The following PKDREJ variants were observed in gnomAD, a reference collection of about 807,000 sequenced individuals.
PKDREJ encodes PKD and REJ homolog.
For missense variants in PKDREJ, 2,507 were observed against 2,807.2 expected, an observed-to-expected ratio of 0.89 and a Z score of 2.42; for synonymous variants, 1,031 against 1,095.5, an observed-to-expected ratio of 0.94 and a Z score of 1.16.
Position 46,258,776 on chromosome 22 carries a change from G to A in PKDREJ, c.4547C>T (p.Thr1516Ile). 1 of 1,614,130 alleles carries A rather than the reference G, an allele frequency of 6.2e-7. No individual in the cohort carries two copies. The change falls in exon 1 of 1, where the codon ACC (threonine) becomes ATC (isoleucine). Residue 1516 changes from threonine to isoleucine, a missense_variant. Physicochemically the swap from Thr to Ile is moderately conservative, Grantham distance 89. Transcript: ENST00000253255. The surrounding 1 kb of genome is among the most constrained non-coding windows in gnomAD (Gnocchi z 6.1). ...PRLPKASPKA[T>I]SKPKHRHRKA... ...CCTATGCCTGTGCTTGGGTTTGGAG[G>A]TTGCCTTAGGAGAAGCCTTTGGAAG...
At position 46,259,011 on chromosome 22, in the gene PKDREJ, T is replaced by C; in HGVS notation, c.4312A>G (p.Ile1438Val). 2 of 1,614,014 alleles carry C rather than the reference T, an allele frequency of 1.2e-6. No homozygotes were observed. The highest frequency in any genetic ancestry group is 1.7e-6 in the Non-Finnish European group (2 of 1,179,908). ...MIGIESVLIT[I>V]PVQLLITFLF... ...AAAGTTATTAATAATTGCACAGGGATTGTAATTAAGACACTTTCAATTCCT... is the reference window on the plus strand; with the variant it reads ...AAAGTTATTAATAATTGCACAGGGACTGTAATTAAGACACTTTCAATTCCT... The change falls in exon 1 of 1, where the codon ATC (isoleucine) becomes GTC (valine). Residue 1438 changes from isoleucine (I) to valine (V), a missense_variant. Coordinates refer to ENST00000253255, the MANE Select transcript of PKDREJ (RefSeq NM_006071.2). This position sits in a 1 kb window ranked among gnomAD's most constrained non-coding sequence, Gnocchi z 6.8.
chr22:46,260,643 C>G lies in PKDREJ; in HGVS notation c.2680G>C (p.Val894Leu), dbSNP rs1230241657. 1 of 1,614,108 alleles carries G rather than the reference C, an allele frequency of 6.2e-7. No individual in the cohort carries two copies. The highest frequency in any genetic ancestry group is 8.5e-7 in the Non-Finnish European group (1 of 1,179,942). ...CFYPTLNVSS[V>L]PGLSANGPIS... ...GGACCATTTGCAGACAGACCAGGAA[C>G]ACTGCTCACATTGAGTGTTGGATAA... Residue 894 changes from valine (V) to leucine (L), a missense_variant, in exon 1 of 1, where the codon GTT becomes CTT. Coordinates refer to ENST00000253255, the MANE Select transcript of PKDREJ (RefSeq NM_006071.2). This position sits in a 1 kb window ranked among gnomAD's most constrained non-coding sequence, Gnocchi z 4.5.
In PKDREJ at chr22:46,263,070, C is replaced by T; in HGVS notation, c.253G>A (p.Gly85Arg). The change falls in exon 1 of 1, where the codon GGG (glycine) becomes AGG (arginine). Residue 85 changes from glycine to arginine, a missense_variant. Gly to Arg is a moderately radical substitution (Grantham distance 125). Transcript: ENST00000253255. This position sits in a 1 kb window ranked among gnomAD's most constrained non-coding sequence, Gnocchi z 9.4. The part of the protein sequence containing the change: ...GSLCFPHGGT[G>R]RRWYCLDLRV... ...AAGTCGAGGCAGTACCAGCGCCGCC[C>T]GGTCCCGCCATGGGGGAAGCAGAGG... 2 of 1,333,888 alleles carry T rather than the reference C, an allele frequency of 1.5e-6. No homozygotes were observed. Among genetic ancestry groups the T allele is most frequent in the Non-Finnish European group, 9.7e-7 (1 of 1,031,356 alleles). The allele number at this position is 1,333,888 out of a possible 1,614,324, so 82.6% of individuals were successfully genotyped here. A position where few individuals can be genotyped will look rare whatever the true frequency, so the allele number is the denominator to read the frequency against.
At position 46,256,557 on chromosome 22, in the gene PKDREJ, T is replaced by C. The variant is rs765593085; in HGVS notation, c.*4A>G. The C allele has an allele frequency of 6.2e-7, 1 of 1,607,664 alleles. No individual in the cohort carries two copies. The highest frequency in any genetic ancestry group is 1.1e-5 in the South Asian group (1 of 90,436). On this transcript the variant is annotated 3_prime_UTR_variant, in exon 1 of 1. Transcript: ENST00000253255. This position sits in a 1 kb window ranked among gnomAD's most constrained non-coding sequence, Gnocchi z 5.3. ...TTGCTTGTGACTCATGAAACCATCA[T>C]TCATCAAACAACAAGGTAAACCATT... is the stretch of plus-strand genomic sequence containing the variant.
rs1196502157 is a variant in PKDREJ, at chr22:46,256,834, C to G, written c.6489G>C (p.Leu2163Phe). ...SSFMLVMICV[L>F]INLFQAVILS... Reference sequence around the variant, plus strand: ...GAATTACAGCCTGAAATAAGTTGATCAAGACGCAGATCATCACCAGCATGA... The same window carrying G: ...GAATTACAGCCTGAAATAAGTTGATGAAGACGCAGATCATCACCAGCATGA... Residue 2163 changes from leucine to phenylalanine, a missense_variant, in exon 1 of 1, where the codon TTG becomes TTC. Physicochemically the swap from Leu to Phe is conservative, Grantham distance 22. Transcript: ENST00000253255. The surrounding 1 kb of genome is among the most constrained non-coding windows in gnomAD (Gnocchi z 5.3). 3 of 1,613,892 alleles carry G rather than the reference C, an allele frequency of 1.9e-6. No homozygotes were observed. The highest frequency in any genetic ancestry group is 2.5e-6 in the Non-Finnish European group (3 of 1,180,046).
chr22:46,256,296 A>T lies in PKDREJ; in HGVS notation c.*265T>A. The T allele has an allele frequency of 2.1e-6, 1 of 479,082 alleles. No individual in the cohort carries two copies. The highest frequency in any genetic ancestry group is 3.6e-6 in the Non-Finnish European group (1 of 276,206). The allele number at this position is 479,082 out of a possible 1,614,324, so 29.7% of individuals were successfully genotyped here. ...CAGGGTTGCCCTTGTACGGGGAGTC[A>T]CATAACTCCCCTCTAAAGGGAAATC... On this transcript the variant is annotated 3_prime_UTR_variant, in exon 1 of 1. Coordinates refer to ENST00000253255, the MANE Select transcript of PKDREJ (RefSeq NM_006071.2). This position sits in a 1 kb window ranked among gnomAD's most constrained non-coding sequence, Gnocchi z 5.3.
chr22:46,258,261 G>A lies in PKDREJ; in HGVS notation c.5062C>T (p.Pro1688Ser), dbSNP rs752838582. 10 of 1,614,036 alleles carry A rather than the reference G, an allele frequency of 6.2e-6. No individual in the cohort carries two copies. In the Admixed American group the frequency reaches 1.3e-4, roughly 22 times the overall value. Residue 1688 changes from proline to serine, a missense_variant, in exon 1 of 1, where the codon CCC becomes TCC. By Grantham distance (74) the Pro-to-Ser change is moderately conservative (BLOSUM62 -1). Transcript: ENST00000253255. The surrounding 1 kb of genome is among the most constrained non-coding windows in gnomAD (Gnocchi z 6.1). The part of the protein sequence containing the change: ...VRIRGTRMYQ[P>S]LTEDEIRIFK... ...ATTCTGATTTCATCTTCTGTAAGGG[G>A]TTGGTACATCCTCGTGCCTCGGATT... is the stretch of plus-strand genomic sequence containing the variant.
In PKDREJ at chr22:46,259,361, C is replaced by T; in HGVS notation, c.3962G>A (p.Ser1321Asn). 2 of 1,614,200 alleles carry T rather than the reference C, an allele frequency of 1.2e-6. No homozygotes were observed. The highest frequency in any genetic ancestry group is 1.7e-6 in the Non-Finnish European group (2 of 1,180,030). ...GCATATGAACAGCCAAATGTGCCTGCTAAACAGATTTTCCACTTTGATTCT... is the reference window on the plus strand; with the variant it reads ...GCATATGAACAGCCAAATGTGCCTGTTAAACAGATTTTCCACTTTGATTCT... ...LSRIKVENLF[S>N]RHIWLFICQK... Residue 1321 changes from serine to asparagine, a missense_variant, in exon 1 of 1, where the codon AGC becomes AAC. By Grantham distance (46) the Ser-to-Asn change is conservative (BLOSUM62 1). Transcript: ENST00000253255. The surrounding 1 kb of genome is among the most constrained non-coding windows in gnomAD (Gnocchi z 6.8).
rs1323561301 is a variant in PKDREJ at position 46,261,739 on chromosome 22, C to T, written c.1584G>A (p.Arg528=). 5 of 1,613,952 alleles carry T rather than the reference C, an allele frequency of 3.1e-6. No homozygotes were observed. In the South Asian group the frequency reaches 3.3e-5, roughly 11 times the overall value. The change falls in exon 1 of 1, where the codon CGG becomes CGA. Residue 528 remains arginine, a synonymous_variant. Transcript: ENST00000253255. The surrounding 1 kb of genome is among the most constrained non-coding windows in gnomAD (Gnocchi z 7.1). ...AYLSIKAFAF[R]HFLEAEFSIS... is the part of the protein sequence containing the mutation. ...TCGAAAACTCAGCTTCCAAAAAATG[C>T]CGAAAAGCAAAAGCTTTTATAGACA...
Position 46,260,555 on chromosome 22 carries a change from T to C in PKDREJ, c.2768A>G (p.Asn923Ser). Residue 923 changes from asparagine to serine, a missense_variant, in exon 1 of 1, where the codon AAC (asparagine) becomes AGC (serine). By Grantham distance (46) the Asn-to-Ser change is conservative. Coordinates refer to ENST00000253255, the MANE Select transcript of PKDREJ (RefSeq NM_006071.2). The surrounding 1 kb of genome is among the most constrained non-coding windows in gnomAD (Gnocchi z 4.5). ...DLFPWLNDQE[N>S]TSVEVSGFRM... ...GAATCCAGACACCTCCACCGAAGTGTTTTCCTGATCATTTAACCAAGGAAA... is the reference window on the plus strand; with the variant it reads ...GAATCCAGACACCTCCACCGAAGTGCTTTCCTGATCATTTAACCAAGGAAA... 6.2e-7 allele frequency: 1 copy of C among 1,614,148 alleles called. No individual in the cohort carries two copies. The highest frequency in any genetic ancestry group is 8.5e-7 in the Non-Finnish European group (1 of 1,180,016).
chr22:46,259,811 T>A lies in PKDREJ; in HGVS notation c.3512A>T (p.Asp1171Val). ...AKVIVIPNPVDLRLNIIKSLH... is the reference protein window; with the variant it reads ...AKVIVIPNPVVLRLNIIKSLH... The stretch of plus-strand genomic sequence containing the variant: ...GCTCTTGATGATGTTTAACCGTAGA[T>A]CCACAGGATTAGGGATCACAATCAC... The change falls in exon 1 of 1, where the codon GAT becomes GTT. Residue 1171 changes from aspartate (D) to valine (V), a missense_variant. Asp to Val is a radical substitution (Grantham distance 152, BLOSUM62 -3). Transcript: ENST00000253255. This position sits in a 1 kb window ranked among gnomAD's most constrained non-coding sequence, Gnocchi z 6.8. The A allele has an allele frequency of 1.9e-6, 3 of 1,613,924 alleles. No homozygotes were observed. The highest frequency in any genetic ancestry group is 2.5e-6 in the Non-Finnish European group (3 of 1,180,020).
In PKDREJ at chr22:46,256,604, G is replaced by T; in HGVS notation, c.6719C>A (p.Thr2240Asn). 6.2e-7 allele frequency: 1 copy of T among 1,613,898 alleles called. No homozygotes were observed. The highest frequency in any genetic ancestry group is 1.3e-5 in the African/African-American group (1 of 75,004). ...CATTTTCTTCCCGTTGATGTTTCTGGTCTTCAGCCCCAGATAACGGTGGCT... is the reference window on the plus strand; with the variant it reads ...CATTTTCTTCCCGTTGATGTTTCTGTTCTTCAGCCCCAGATAACGGTGGCT... ...KNSHRYLGLK[T>N]RNINGKKMVY... Residue 2240 changes from threonine (T) to asparagine (N), a missense_variant, in exon 1 of 1, where the codon ACC becomes AAC. Coordinates refer to ENST00000253255, the MANE Select transcript of PKDREJ (RefSeq NM_006071.2). The surrounding 1 kb of genome is among the most constrained non-coding windows in gnomAD (Gnocchi z 5.3).
In PKDREJ at chr22:46,262,088, G is replaced by C; in HGVS notation, c.1235C>G (p.Ser412Trp). 1.2e-6 allele frequency: 2 copies of C among 1,614,116 alleles called. No homozygotes were observed. Among genetic ancestry groups the C allele is most frequent in the East Asian group, 2.2e-5 (1 of 44,890 alleles). ...TGGCAAAAGTGTCAGTACAGGGCCC[G>C]AGGCCCAGGGCCATTTCAGATTGGC... ...EQANLKWPWA[S>W]GPVLTLLPET... The change falls in exon 1 of 1, where the codon TCG becomes TGG. Residue 412 changes from serine (S) to tryptophan (W), a missense_variant. Transcript: ENST00000253255. This position sits in a 1 kb window ranked among gnomAD's most constrained non-coding sequence, Gnocchi z 8.1.
rs757134196 is a variant in PKDREJ at position 46,261,696 on chromosome 22, A to G, written c.1627T>C (p.Cys543Arg). ...AEFSISLYLA[C>R]WSGVTSVFRH... Reference sequence around the variant, plus strand: ...AAGACCGAGGTCACTCCACTCCAACATGCTAGATACAGAGAAATCGAAAAC... The same window carrying G: ...AAGACCGAGGTCACTCCACTCCAACGTGCTAGATACAGAGAAATCGAAAAC... Residue 543 changes from cysteine to arginine, a missense_variant, in exon 1 of 1, where the codon TGT becomes CGT. Cys to Arg is a radical substitution (Grantham distance 180). Coordinates refer to ENST00000253255, the MANE Select transcript of PKDREJ (RefSeq NM_006071.2). This position sits in a 1 kb window ranked among gnomAD's most constrained non-coding sequence, Gnocchi z 7.1. The G allele has an allele frequency of 1.2e-6, 2 of 1,614,078 alleles. No individual in the cohort carries two copies. The highest frequency in any genetic ancestry group is 1.1e-5 in the South Asian group (1 of 91,064).
Position 46,261,687 on chromosome 22 carries a change from C to T in PKDREJ, c.1636G>A (p.Gly546Arg), listed in dbSNP as rs1469057139. 6.2e-7 allele frequency: 1 copy of T among 1,614,002 alleles called. No homozygotes were observed. Among genetic ancestry groups the T allele is most frequent in the Non-Finnish European group, 8.5e-7 (1 of 1,179,996 alleles). The change falls in exon 1 of 1, where the codon GGA becomes AGA. Residue 546 changes from glycine to arginine, a missense_variant. Physicochemically the swap from Gly to Arg is moderately radical, Grantham distance 125 (BLOSUM62 -2). Coordinates refer to ENST00000253255, the MANE Select transcript of PKDREJ (RefSeq NM_006071.2). This position sits in a 1 kb window ranked among gnomAD's most constrained non-coding sequence, Gnocchi z 7.1. The stretch of plus-strand genomic sequence containing the variant: ...GAATGCCTGAAGACCGAGGTCACTC[C>T]ACTCCAACATGCTAGATACAGAGAA... ...SISLYLACWS[G>R]VTSVFRHSFI...
chr22:46,262,585 C>T lies in PKDREJ; in HGVS notation c.738G>A (p.Gln246=), dbSNP rs889733283. 27 of 1,610,786 alleles carry T rather than the reference C, an allele frequency of 1.7e-5. No homozygotes were observed. The highest frequency in any genetic ancestry group is 2.0e-5 in the Non-Finnish European group (24 of 1,178,826). ...TGGCGCGCGCGGCCGGGCAGTCCAG[C>T]TGCACCGAGGCGTTGATGGTGGCCT... ...QAEATINASV[Q]LDCPAARAIA... Residue 246 remains glutamine (Q), a synonymous_variant, in exon 1 of 1, where the codon CAG becomes CAA. Coordinates refer to ENST00000253255, the MANE Select transcript of PKDREJ (RefSeq NM_006071.2). The surrounding 1 kb of genome is among the most constrained non-coding windows in gnomAD (Gnocchi z 8.1).
At position 46,262,858 on chromosome 22, in the gene PKDREJ, C is replaced by A; in HGVS notation, c.465G>T (p.Pro155=). Residue 155 remains proline (P), a synonymous_variant, in exon 1 of 1, where the codon CCG becomes CCT. Transcript: ENST00000253255. This position sits in a 1 kb window ranked among gnomAD's most constrained non-coding sequence, Gnocchi z 8.1. ...LRLLGPGAAR[P]ASPAARVSPR... Reference sequence around the variant, plus strand: ...GGGAGACGCGGGCCGCGGGGGAGGCCGGGCGGGCGGCGCCGGGTCCGAGCA... The same window carrying A: ...GGGAGACGCGGGCCGCGGGGGAGGCAGGGCGGGCGGCGCCGGGTCCGAGCA... The A allele has an allele frequency of 8.8e-7, 1 of 1,142,136 alleles. No homozygotes were observed. The highest frequency in any genetic ancestry group is 1.1e-6 in the Non-Finnish European group (1 of 925,394). The allele number at this position is 1,142,136 out of a possible 1,614,324, so 70.8% of individuals were successfully genotyped here. A position where few individuals can be genotyped will look rare whatever the true frequency, so the allele number is the denominator to read the frequency against.
In PKDREJ at chr22:46,258,401, G is replaced by T; in HGVS notation, c.4922C>A (p.Pro1641His). 6.2e-7 allele frequency: 1 copy of T among 1,614,018 alleles called. No homozygotes were observed. Among genetic ancestry groups the T allele is most frequent in the East Asian group, 2.2e-5 (1 of 44,890 alleles). Residue 1641 changes from proline to histidine, a missense_variant, in exon 1 of 1, where the codon CCC becomes CAC. Pro to His is a moderately conservative substitution (Grantham distance 77). Coordinates refer to ENST00000253255, the MANE Select transcript of PKDREJ (RefSeq NM_006071.2). This position sits in a 1 kb window ranked among gnomAD's most constrained non-coding sequence, Gnocchi z 6.1. ...CCATGAAAGGTTTTTGCAATACTTG[G>T]GTTTATTCGTTCTGAAGCCTGACAG... ...ILLSGFRTNK[P>H]KYCKNLSWST...
Position 46,258,744 on chromosome 22 carries a change from G to T in PKDREJ, c.4579C>A (p.Gln1527Lys). The change falls in exon 1 of 1, where the codon CAA becomes AAA. Residue 1527 changes from glutamine (Q) to lysine (K), a missense_variant. Transcript: ENST00000253255. The surrounding 1 kb of genome is among the most constrained non-coding windows in gnomAD (Gnocchi z 6.1). ...SKPKHRHRKA[Q>K]IKTPETLGPN... ...CCGAGGGTCTCCGGGGTCTTGATTT[G>T]TGCTTTCCTATGCCTGTGCTTGGGT... The T allele has an allele frequency of 2.5e-6, 4 of 1,614,184 alleles. No homozygotes were observed. The highest frequency in any genetic ancestry group is 3.4e-6 in the Non-Finnish European group (4 of 1,180,034).
Sources: gnomAD v4.1 joint callset for allele counts on GRCh38, gnomAD v4.1.1 for gene constraint, Gnocchi (gnomAD v3.1) non-coding constraint, MANE v1.5 for transcripts, NCBI Gene and HGNC (gene_info 2026-07-23, HGNC 2026-07-21) for gene names.